Variants in PAFAH2 observed in about 807,000 individuals in gnomAD.
The protein encoded by PAFAH2 is platelet-activating factor acetylhydrolase 2, cytoplasmic.
Under a neutral mutation model 49.0 loss-of-function variants are expected in PAFAH2, and 42 were observed. That is an observed-to-expected ratio of 0.86 (90% confidence interval 0.67 to 1.11). The LOEUF (loss-of-function observed/expected upper bound fraction) is 1.11. PAFAH2 is among the 50% of genes least tolerant of loss of function. The pLI is 0.00. For synonymous variants in PAFAH2, 184 were observed against 181.3 expected, an observed-to-expected ratio of 1.01 and a Z score of -0.12; for missense variants, 503 against 501.8, an observed-to-expected ratio of 1.00 and a Z score of -0.02.
intron 9 of PAFAH2, among the ~76,000 whole-genome samples, chr1:25,973,845 C>T (rs2049546241): frequency 6.6e-6 from 1 of 152,194 alleles, no homozygotes; most frequent in Non-Finnish European, 1.5e-5. Context: ...AGGGCAGGAG[C>T]AGTCCGTGAG....
chr1:25,968,695 T>C (rs1300480783), intron 10 of PAFAH2, among the ~76,000 whole-genome samples: 1 of 152,196 alleles, frequency 6.6e-6, no homozygotes, highest in Non-Finnish European at 1.5e-5. Context: ...CTTTTCTCTC[T>C]TTGTAAAGCT....
At chr1:25,972,778 C>A in intron 9 of PAFAH2, 66 bp from the exon 10 acceptor site, 4 of 1,533,666 alleles carry the variant, frequency 2.6e-6, no homozygotes, top group Admixed American at 3.4e-5. Context: ...GTGTTAGGCA[C>A]CTACTATGTG....
At chr1:25,987,690 G>C (rs1468938748) in intron 4 of PAFAH2, among the ~76,000 whole-genome samples, 3 of 151,086 alleles carry the variant, frequency 2.0e-5, no homozygotes, top group African/African-American at 7.3e-5. Context: ...GATCAGCATG[G>C]GCAACACAGT....
intron 10 of PAFAH2, among the ~76,000 whole-genome samples, chr1:25,971,432 A>G (rs1216631574): frequency 6.6e-6 from 1 of 151,684 alleles, no homozygotes; most frequent in Non-Finnish European, 1.5e-5. Flanking sequence ...GCTAAAGGGA[A>G]CACACTCTGA....
chr1:25,992,111 TTGA>T (rs2049884601), intron 1 of PAFAH2, among the ~76,000 whole-genome samples: 1 of 152,086 alleles, frequency 6.6e-6, no homozygotes, highest in Admixed American at 6.6e-5. Flanking sequence ...TTTGATTTTT[TTGA>T]GAGACAGGGT....
At chr1:25,984,242 A>G in intron 5 of PAFAH2, 155 bp from the exon 6 acceptor site, 1 of 920,634 alleles carries the variant, frequency 1.1e-6, no homozygotes, top group Non-Finnish European at 1.7e-6. Context: ...TGGAAAAAAT[A>G]CAGATTTTAG....
At chr1:25,982,567 C>T (rs1334367169) in intron 6 of PAFAH2, 90 bp from the exon 7 acceptor site, 5 of 1,009,854 alleles carry the variant, frequency 5.0e-6, no homozygotes, top group Non-Finnish European at 6.0e-6. Context: ...GAAGAATGCA[C>T]AGATAGTCTA....
intron 5 of PAFAH2, 76 bp downstream of exon 5, chr1:25,984,384 A>C (rs1298661861): frequency 2.7e-6 from 3 of 1,107,902 alleles, no homozygotes; most frequent in Non-Finnish European, 4.1e-6. Flanking sequence ...GAGGGTTAGA[A>C]ATAGTACATT....
chr1:25,986,821 G>A (rs1417474820), intron 4 of PAFAH2, among the ~76,000 whole-genome samples: 13 of 151,306 alleles, frequency 8.6e-5, no homozygotes, highest in South Asian at 2.1e-4. Context: ...GTGAGCCACC[G>A]CGCTCGGCCA....
intron 6 of PAFAH2, among the ~76,000 whole-genome samples, chr1:25,983,707 T>C (rs781025497): frequency 1.3e-5 from 2 of 152,202 alleles, no homozygotes; most frequent in Non-Finnish European, 2.9e-5. Context: ...CTTCTCTTCC[T>C]ACAGTCTACT....
At chr1:25,970,375 G>C (rs2049488869) in intron 10 of PAFAH2, among the ~76,000 whole-genome samples, 1 of 152,206 alleles carries the variant, frequency 6.6e-6, no homozygotes, top group Non-Finnish European at 1.5e-5. Flanking sequence ...GCTGTGGCAG[G>C]AGAACTGCCG....
intron 5 of PAFAH2, 95 bp from the exon 6 acceptor site, chr1:25,984,182 G>C (rs1463825831): frequency 6.2e-6 from 9 of 1,455,692 alleles, no homozygotes; most frequent in East Asian, 2.3e-5. Context: ...GGAGGCTCTA[G>C]ATCACCCTTT....
intron 3 of PAFAH2, among the ~76,000 whole-genome samples, chr1:25,988,633 T>A (rs551143056): frequency 1.1e-3 from 168 of 151,108 alleles, no homozygotes; most frequent in Admixed American, 2.4e-3. Context: ...TGAAACCCCG[T>A]CTCTACTAAA....
rs1342360697 is a variant in PAFAH2 at position 25,989,552 on chromosome 1, A to G, written c.140T>C (p.Met47Thr). 1 of 1,612,192 alleles carries G rather than the reference A, an allele frequency of 6.2e-7. No individual in the cohort carries two copies. The highest frequency in any genetic ancestry group is 1.3e-5 in the African/African-American group (1 of 74,992). Residue 47 changes from methionine (M) to threonine (T), a missense_variant, in exon 3 of 11, where the codon ATG becomes ACG. By Grantham distance (81) the Met-to-Thr change is moderately conservative (BLOSUM62 -1). Transcript: ENST00000374282. Reference sequence around the variant, plus strand: ...GCGGGGAATCCACAGGGGCTGCTCCATGGTCTCCTCTGCCTTTTGGCAGGG... The same window carrying G: ...GCGGGGAATCCACAGGGGCTGCTCCGTGGTCTCCTCTGCCTTTTGGCAGGG... ...FYPCQKAEET[M>T]EQPLWIPRYE...
chr1:25,982,067 A>T (rs2049697499), intron 7 of PAFAH2, among the ~76,000 whole-genome samples: 1 of 151,554 alleles, frequency 6.6e-6, no homozygotes, highest in Admixed American at 6.6e-5. Context: ...GTTGGTGTGC[A>T]GGCTTGAACT....
intron 7 of PAFAH2, among the ~76,000 whole-genome samples, chr1:25,979,296 T>C (rs1442213572): frequency 6.6e-6 from 1 of 150,990 alleles, no homozygotes; most frequent in Non-Finnish European, 1.5e-5. Flanking sequence ...CTAACTGGAC[T>C]GTAGCCTGCC....
In PAFAH2 at chr1:25,983,193, C is replaced by T. The variant is rs1055019527; in HGVS notation, c.553-716G>A. Among the ~76,000 whole-genome samples, 4 of 152,030 alleles carry T rather than the reference C, an allele frequency of 2.6e-5. No individual in the cohort carries two copies. In the East Asian group the frequency reaches 7.7e-4, roughly 29 times the overall value. On this transcript the variant is annotated intron_variant, in intron 6 of 10. Coordinates refer to ENST00000374282, the MANE Select transcript of PAFAH2 (RefSeq NM_000437.4). ...ATCGCTTGAGTTCAGGAGTTTGAGA[C>T]CAGCCTGGGCAACATAGCAAGACCC...
intron 2 of PAFAH2, 40 bp from the exon 3 acceptor site, chr1:25,989,641 C>G (rs1226410088): frequency 2.8e-6 from 4 of 1,415,410 alleles, no homozygotes; most frequent in Non-Finnish European, 3.7e-6. Context: ...AGCAAGGAGC[C>G]CAGGCTAGAT....
intron 10 of PAFAH2, among the ~76,000 whole-genome samples, chr1:25,971,306 C>T (rs1442027930): frequency 6.6e-6 from 1 of 152,120 alleles, no homozygotes; most frequent in East Asian, 1.9e-4. Flanking sequence ...ACAGTGTGTT[C>T]TGGTGGGCAA....
Sources: gnomAD v4.1 joint callset for allele counts (sites outside exome capture counted in the v4.1 genomes callset) on GRCh38, gnomAD v4.1.1 for gene constraint, MANE v1.5 for transcripts, NCBI Gene and HGNC (gene_info 2026-07-23, HGNC 2026-07-21) for gene names.